SLC9A9: variants seen among roughly 807,000 people sequenced by gnomAD.
SLC9A9 encodes the protein solute carrier family 9 member A9.
A neutral mutation model predicts 77.8 loss-of-function variants in SLC9A9; 62 were observed. The ratio of observed to expected loss-of-function variants is 0.80; its 90% CI spans 0.65 to 0.98. The LOEUF (loss-of-function observed/expected upper bound fraction) is 0.98, where lower values mean the gene tolerates loss of function less well. Ranked by LOEUF, SLC9A9 falls within the 50% of genes least tolerant of loss-of-function variation. The probability of loss-of-function intolerance (pLI) is 0.00; values close to 1 mark genes in which losing one functional copy is unlikely to be tolerated. For synonymous variants in SLC9A9, 320 were observed against 283.5 expected (o/e 1.13, Z -1.29); for missense variants, 775 against 774.9 (o/e 1.00, Z 0.00).
intron 12 of SLC9A9, among the ~76,000 whole-genome samples, chr3:143,416,512 T>A (rs2034193404): frequency 6.6e-6 from 1 of 152,210 alleles, no homozygotes. Flanking sequence ...AGCAAAAAGA[T>A]TACTACTACT....
intron 3 of SLC9A9, 87 bp downstream of exon 3, chr3:143,796,739 A>G (rs1368757309): frequency 8.0e-6 from 7 of 874,594 alleles, no homozygotes; most frequent in Non-Finnish European, 1.3e-5. Flanking sequence ...CCAAATAGAG[A>G]AGCCCATAAA....
chr3:143,575,871 C>T (rs893620439), intron 7 of SLC9A9, among the ~76,000 whole-genome samples: 1 of 152,140 alleles, frequency 6.6e-6, no homozygotes, highest in African/African-American at 2.4e-5. Flanking sequence ...GTGAGGAGGA[C>T]AACAGTAAGC....
chr3:143,673,282 ACCCCACCCATAGGAG>A (rs2039188061), intron 5 of SLC9A9, among the ~76,000 whole-genome samples: 1 of 151,856 alleles, frequency 6.6e-6, no homozygotes, highest in Non-Finnish European at 1.5e-5. Flanking sequence ...TACAGGGAAA[ACCCCACCCATAGGAG>A]CCCTGCAGGA....
intron 14 of SLC9A9, among the ~76,000 whole-genome samples, chr3:143,332,096 G>A (rs1053629282): frequency 3.3e-5 from 5 of 152,156 alleles, no homozygotes; most frequent in African/African-American, 1.2e-4. Flanking sequence ...TGGCTCATAG[G>A]GAGGAAATGC....
At chr3:143,286,220 G>A (rs1559852606) in intron 14 of SLC9A9, among the ~76,000 whole-genome samples, 1 of 152,166 alleles carries the variant, frequency 6.6e-6, no homozygotes. Flanking sequence ...GATTTTAAGA[G>A]TGCTTTCGAA....
chr3:143,630,207 G>T (rs2038398991), intron 6 of SLC9A9, among the ~76,000 whole-genome samples: 1 of 152,104 alleles, frequency 6.6e-6, no homozygotes, highest in South Asian at 2.1e-4. Context: ...GAAGTGAAGT[G>T]AACTGAAATA....
chr3:143,422,684 A>C (rs2034321193), intron 12 of SLC9A9, among the ~76,000 whole-genome samples: 1 of 152,136 alleles, frequency 6.6e-6, no homozygotes, highest in Admixed American at 6.5e-5. Flanking sequence ...TCATACCCCA[A>C]ACTTCACCTA....
At chr3:143,426,862 G>A (rs2034416474) in intron 12 of SLC9A9, among the ~76,000 whole-genome samples, 1 of 152,168 alleles carries the variant, frequency 6.6e-6, no homozygotes, top group African/African-American at 2.4e-5. Context: ...ATAATCCACA[G>A]TTTACAACAG....
At chr3:143,550,979 T>C (rs2036871426) in intron 9 of SLC9A9, among the ~76,000 whole-genome samples, 1 of 152,208 alleles carries the variant, frequency 6.6e-6, no homozygotes, top group Non-Finnish European at 1.5e-5. Flanking sequence ...TGACTTTACT[T>C]GGAAACGGAG....
At chr3:143,693,990 A>G (rs942922043) in intron 4 of SLC9A9, among the ~76,000 whole-genome samples, 6 of 152,264 alleles carry the variant, frequency 3.9e-5, no homozygotes, top group African/African-American at 1.2e-4. Flanking sequence ...TCATTTGCCA[A>G]CCTATAGCTT....
At position 143,674,477 on chromosome 3, in the gene SLC9A9, C is replaced by G. The variant is rs540209839; in HGVS notation, c.649+18715G>C. Reference sequence around the variant, plus strand: ...AGGGCCTCTCTTAGATGCTTTCACCCATAAACACACGAGCAGTGCCAGCGC... The same window carrying G: ...AGGGCCTCTCTTAGATGCTTTCACCGATAAACACACGAGCAGTGCCAGCGC... On this transcript the variant is annotated intron_variant, in intron 5 of 15. Transcript: ENST00000316549. Among the ~76,000 whole-genome samples the G allele has an allele frequency of 2.0e-5, 3 of 152,272 alleles. No individual in the cohort carries two copies. In the South Asian group the frequency reaches 6.2e-4, roughly 32 times the overall value.
intron 14 of SLC9A9, among the ~76,000 whole-genome samples, chr3:143,302,767 T>G (rs1019115113): frequency 3.3e-5 from 5 of 152,180 alleles, no homozygotes; most frequent in African/African-American, 7.2e-5. Flanking sequence ...TGACTCAGGC[T>G]CAAGACAGGC....
chr3:143,600,653 G>A (rs1280601333), intron 6 of SLC9A9, among the ~76,000 whole-genome samples: 1 of 152,166 alleles, frequency 6.6e-6, no homozygotes, highest in East Asian at 1.9e-4. Flanking sequence ...AAATCAGAGA[G>A]GTTGATCAGC....
At chr3:143,584,621 TA>T (rs1302801290) in intron 6 of SLC9A9, among the ~76,000 whole-genome samples, 1 of 152,152 alleles carries the variant, frequency 6.6e-6, no homozygotes, top group Non-Finnish European at 1.5e-5. Context: ...ACAAAAAAAT[TA>T]TTGGCACCAG....
rs530505705 is a variant in SLC9A9 at position 143,677,244 on chromosome 3, G to T, written c.649+15948C>A. On this transcript the variant is annotated intron_variant, in intron 5 of 15. Transcript: ENST00000316549. ...CAATATAAAAGTTACACACAGATAT[G>T]CATGGGGGTTATCTACACATAAATT... Among the ~76,000 whole-genome samples, 4 of 152,052 alleles carry T rather than the reference G, an allele frequency of 2.6e-5. No individual in the cohort carries two copies. In the East Asian group the frequency reaches 7.7e-4, roughly 29 times the overall value.
chr3:143,574,557 G>C (rs886517603), intron 7 of SLC9A9, among the ~76,000 whole-genome samples: 1 of 152,158 alleles, frequency 6.6e-6, no homozygotes, highest in Non-Finnish European at 1.5e-5. Flanking sequence ...AGGGGGATGA[G>C]ATGCTGCAAG....
rs374324576 is a variant in SLC9A9, at chr3:143,701,000, A to C, written c.534-7693T>G. Among the ~76,000 whole-genome samples, 117 of 152,384 alleles carry C rather than the reference A, an allele frequency of 7.7e-4. 3 individuals carry two copies. The South Asian group carries it at 0.024, about 31-fold the overall frequency. Reference sequence around the variant, plus strand: ...TGGGAGAAAGTAATGGAAGAGAACAAGAGTCACTGCCTGGTAATCTAGAGA... The same window carrying C: ...TGGGAGAAAGTAATGGAAGAGAACACGAGTCACTGCCTGGTAATCTAGAGA... On this transcript the variant is annotated intron_variant, in intron 4 of 15. Transcript: ENST00000316549.
At chr3:143,521,361 T>C (rs2036296175) in intron 9 of SLC9A9, among the ~76,000 whole-genome samples, 1 of 152,166 alleles carries the variant, frequency 6.6e-6, no homozygotes, top group Non-Finnish European at 1.5e-5. Context: ...TTATACTTTG[T>C]GATCTGGATG....
intron 14 of SLC9A9, among the ~76,000 whole-genome samples, chr3:143,315,735 T>C (rs2031188580): frequency 6.6e-6 from 1 of 152,240 alleles, no homozygotes; most frequent in African/African-American, 2.4e-5. Context: ...CATTATCTTC[T>C]TTAATTGGAA....
Sources: allele counts gnomAD v4.1 joint callset (sites outside exome capture counted in the v4.1 genomes callset), GRCh38; gene constraint gnomAD v4.1.1; transcripts MANE v1.5; gene names NCBI Gene and HGNC (gene_info 2026-07-23, HGNC 2026-07-21).